Variants in SFTPC observed in about 807,000 individuals in gnomAD.
SFTPC encodes surfactant protein C, also known as BRICHOS domain containing 6.
Under a neutral mutation model 19.9 loss-of-function variants are expected in SFTPC, and 12 were observed. The ratio of observed to expected loss-of-function variants is 0.60; its 90% CI spans 0.39 to 0.98. The LOEUF is 0.98. Among genes scored for constraint, SFTPC ranks in the 50% least tolerant of loss-of-function variants. The pLI is 0.00. For synonymous variants in SFTPC, 123 were observed against 103.3 expected (o/e 1.19, Z -1.16); for missense variants, 219 against 252.2 (o/e 0.87, Z 0.89).
At chr8:22,163,615 G>T in intron 4 of SFTPC, 69 bp downstream of exon 4, 1 of 1,095,934 alleles carries the variant, frequency 9.1e-7, no homozygotes. Flanking sequence ...TGTCCGAATG[G>T]TGGCTATTTG....
At chr8:22,163,766 C>A (rs760053190) in intron 4 of SFTPC, 135 bp from the exon 5 acceptor site, 1 of 937,810 alleles carries the variant, frequency 1.1e-6, no homozygotes, top group Non-Finnish European at 1.7e-6. Context: ...GCTTCTGACT[C>A]TAGCACAGCC....
rs374909143 is a variant in SFTPC at position 22,163,886 on chromosome 8, G to C, written c.436-15G>C. On this transcript the variant is annotated splice_polypyrimidine_tract_variant and intron_variant, in intron 4 of 5. Coordinates refer to ENST00000679463, the MANE Select transcript of SFTPC (RefSeq NM_001317778.2). ...AAACTCACTTCCTACATTCCAGATG[G>C]AATGCTCTCTGCAGGCCAAGCCCGC... The C allele has an allele frequency of 6.2e-7, 1 of 1,609,542 alleles. No homozygotes were observed.
At chr8:22,161,744 C>T (rs1170804517), upstream of SFTPC, 3 of 1,613,014 alleles carry the variant, frequency 1.9e-6, no homozygotes, top group East Asian at 2.2e-5. Flanking sequence ...GGTCCTTCAC[C>T]TCTGTCCCCT....
upstream of SFTPC, chr8:22,159,680 G>C: frequency 1.2e-6 from 1 of 806,236 alleles, no homozygotes; most frequent in Non-Finnish European, 1.8e-6. Context: ...TTCAAAGAAA[G>C]AGATCCCTCT....
chr8:22,160,006 G>C (rs879325904), upstream of SFTPC, among the ~76,000 whole-genome samples: 1 of 152,158 alleles, frequency 6.6e-6, no homozygotes, highest in Non-Finnish European at 1.5e-5. Context: ...ATGCTTCTGT[G>C]GGCTCCCCCT....
At chr8:22,160,668 G>A (rs1407535794), upstream of SFTPC, among the ~76,000 whole-genome samples, 2 of 152,126 alleles carry the variant, frequency 1.3e-5, no homozygotes, top group African/African-American at 4.8e-5. Context: ...GCGAGCCCAG[G>A]CCTGGACTCT....
chr8:22,164,378 G>A lies in SFTPC; in HGVS notation c.*131G>A, dbSNP rs1473154489. 5 of 1,534,566 alleles carry A rather than the reference G, an allele frequency of 3.3e-6. No individual in the cohort carries two copies. Among genetic ancestry groups the A allele is most frequent in the Non-Finnish European group, 4.4e-6 (5 of 1,146,320 alleles). On this transcript the variant is annotated 3_prime_UTR_variant, in exon 6 of 6. Coordinates refer to ENST00000679463, the MANE Select transcript of SFTPC (RefSeq NM_001317778.2). ...CCACACCGCAGGGACAAGCCCTGGAGAAATGGGAGCTTGGGGAGAGGATGG... is the reference window on the plus strand; with the variant it reads ...CCACACCGCAGGGACAAGCCCTGGAAAAATGGGAGCTTGGGGAGAGGATGG...
upstream of SFTPC, chr8:22,159,812 C>A (rs562103082): frequency 1.6e-6 from 2 of 1,289,424 alleles, no homozygotes; most frequent in East Asian, 1.1e-4. Flanking sequence ...CAGTGCTTGG[C>A]TCTCCCGCTG....
chr8:22,163,397 G>T, intron 3 of SFTPC, 39 bp from the exon 4 acceptor site: 18 of 1,574,490 alleles, frequency 1.1e-5, no homozygotes, highest in Non-Finnish European at 1.6e-5. Flanking sequence ...AGAGAGCAGG[G>T]CAGGGACCCC....
intron 5 of SFTPC, 86 bp downstream of exon 5, chr8:22,164,145 C>T (rs1827929163): frequency 1.0e-5 from 16 of 1,567,268 alleles, no homozygotes; most frequent in Non-Finnish European, 1.1e-5. Context: ...GCTGACCAGG[C>T]GCTGGGGCGT....
chr8:22,163,376 C>T, intron 3 of SFTPC, 60 bp from the exon 4 acceptor site: 1 of 1,536,790 alleles, frequency 6.5e-7, no homozygotes, highest in African/African-American at 1.4e-5. Flanking sequence ...GGCTAAGGAC[C>T]TGGGTCAGGG....
In SFTPC at chr8:22,164,471, A is replaced by C. The variant is rs1024674058; in HGVS notation, c.*224A>C. ...ACAACAGAATAAAGCAGCCTGATTG[A>C]AAAGCAAAGGGTCTGCTTCTGTCTT... On this transcript the variant is annotated 3_prime_UTR_variant, in exon 6 of 6. Transcript: ENST00000679463. 6.9e-7 allele frequency: 1 copy of C among 1,452,694 alleles called. No homozygotes were observed. The highest frequency in any genetic ancestry group is 1.4e-5 in the African/African-American group (1 of 69,972). The allele number at this position is 1,452,694 out of a possible 1,614,324, so 90.0% of individuals were successfully genotyped here. A position where few individuals can be genotyped will look rare whatever the true frequency, so the allele number is the denominator to read the frequency against.
intron 4 of SFTPC, 154 bp downstream of exon 4, chr8:22,163,700 C>T (rs1827878865): frequency 7.5e-6 from 6 of 797,322 alleles, no homozygotes; most frequent in Non-Finnish European, 1.3e-5. Flanking sequence ...GACTCCTTTC[C>T]TTCCCACCCC....
At chr8:22,159,979 G>A (rs952710483), upstream of SFTPC, 3 of 515,894 alleles carry the variant, frequency 5.8e-6, no homozygotes, top group Admixed American at 3.1e-5. Context: ...GCACACAGCT[G>A]AGGCCGAGCT....
intron 4 of SFTPC, 68 bp from the exon 5 acceptor site, chr8:22,163,833 C>T: frequency 7.1e-7 from 1 of 1,402,394 alleles, no homozygotes; most frequent in Non-Finnish European, 1.0e-6. Context: ...TACCTGAAGT[C>T]CCACAATAAG....
chr8:22,160,442 C>T (rs757372438), upstream of SFTPC, among the ~76,000 whole-genome samples: 57 of 152,292 alleles, frequency 3.7e-4, no homozygotes, highest in African/African-American at 1.3e-3. Context: ...GAAAACTCAT[C>T]TCTATAAAAC....
At chr8:22,164,184 C>T (rs947964661) in intron 5 of SFTPC, 82 bp from the exon 6 acceptor site, 13 of 1,536,644 alleles carry the variant, frequency 8.5e-6, no homozygotes, top group Middle Eastern at 3.4e-4. Context: ...CCAGGCAACT[C>T]GGGGGAGGGG....
chr8:22,159,972 C>T (rs1023642979), upstream of SFTPC: 1 of 580,408 alleles, frequency 1.7e-6, no homozygotes, highest in Admixed American at 2.7e-5. Flanking sequence ...GGCACCTGCA[C>T]ACAGCTGAGG....
chr8:22,159,843 A>C (rs1250745220), upstream of SFTPC: 3 of 1,288,910 alleles, frequency 2.3e-6, no homozygotes, highest in Non-Finnish European at 3.0e-6. Flanking sequence ...CACCTGGCTC[A>C]GGCCCAGTAC....
Sources: gnomAD v4.1 joint callset for allele counts (sites outside exome capture counted in the v4.1 genomes callset) on GRCh38, gnomAD v4.1.1 for gene constraint, MANE v1.5 for transcripts, NCBI Gene and HGNC (gene_info 2026-07-23, HGNC 2026-07-21) for gene names.